The following CTNNA3 variants were observed in gnomAD, a reference collection of about 807,000 sequenced individuals.
The protein encoded by CTNNA3 is catenin alpha 3, also known as catenin alpha-3.
CTNNA3 carries 76 observed loss-of-function variants against 95.7 expected under a neutral mutation model. That is an observed-to-expected ratio of 0.79 (90% CI 0.66 to 0.96). The LOEUF is 0.96. Among genes scored for constraint, CTNNA3 ranks in the 40% least tolerant of loss-of-function variants. CTNNA3 has a pLI of 0.00. For missense variants in CTNNA3, 1,191 were observed against 1,089.8 expected (o/e 1.09, Z -1.31); for synonymous variants, 431 against 374.4 (o/e 1.15, Z -1.74).
At chr10:66,995,135 A>G (rs1021667182) in intron 7 of CTNNA3, among the ~76,000 whole-genome samples, 6 of 152,186 alleles carry the variant, frequency 3.9e-5, no homozygotes, top group African/African-American at 1.4e-4. Context: ...TGAATGTCAC[A>G]GAAATAATGC....
intron 16 of CTNNA3, among the ~76,000 whole-genome samples, chr10:65,968,690 T>C (rs1448514941): frequency 1.3e-5 from 2 of 152,140 alleles, no homozygotes; most frequent in Non-Finnish European, 2.9e-5. Context: ...GGGATCCAGG[T>C]ATGTAGAGGA....
At chr10:66,367,874 AATAATAATTATTATTATT>A (rs202164153) in intron 12 of CTNNA3, among the ~76,000 whole-genome samples, 2,341 of 42,612 alleles carry the variant, frequency 0.055, 31 homozygotes, top group Non-Finnish European at 0.079. Flanking sequence ...TAATAATAAT[AATAATAATTATTATTATT>A]ATTATTATTA....
At chr10:67,167,979 A>G (rs1861853326) in intron 7 of CTNNA3, among the ~76,000 whole-genome samples, 1 of 152,158 alleles carries the variant, frequency 6.6e-6, no homozygotes, top group South Asian at 2.1e-4. Context: ...CTTAAAAAAT[A>G]CAAAAAAATT....
intron 5 of CTNNA3, among the ~76,000 whole-genome samples, chr10:67,486,535 T>C (rs993589462): frequency 2.6e-5 from 4 of 152,186 alleles, no homozygotes; most frequent in Non-Finnish European, 5.9e-5. Context: ...CATACTTTGG[T>C]AGGTCCCCAA....
intron 3 of CTNNA3, among the ~76,000 whole-genome samples, chr10:67,577,138 C>G (rs1371522069): frequency 6.6e-6 from 1 of 151,152 alleles, no homozygotes; most frequent in Non-Finnish European, 1.5e-5. Flanking sequence ...CACTGACTTC[C>G]ACAATGGTTG....
At chr10:66,874,277 C>T (rs776056041) in intron 7 of CTNNA3, among the ~76,000 whole-genome samples, 1 of 152,052 alleles carries the variant, frequency 6.6e-6, no homozygotes, top group Non-Finnish European at 1.5e-5. Context: ...GGCCAACTAC[C>T]GCCTCCATAA....
intron 7 of CTNNA3, among the ~76,000 whole-genome samples, chr10:66,841,000 A>G (rs930342788): frequency 2.6e-5 from 4 of 152,190 alleles, no homozygotes; most frequent in African/African-American, 7.2e-5. Context: ...TACCTGTTCT[A>G]TGATATATAT....
chr10:66,921,908 A>T (rs1846809169), intron 7 of CTNNA3, among the ~76,000 whole-genome samples: 1 of 152,198 alleles, frequency 6.6e-6, no homozygotes. Context: ...TGGTTATTCA[A>T]ATTAAATATT....
rs143939077 is a variant in CTNNA3, at chr10:66,507,213, C to A, written c.1531+13404G>T. ...ATTTTGTTCATTTTTCTCTTTTTTT[C>A]TTTCAATTTTACTTGACACATAATA... On this transcript the variant is annotated intron_variant, in intron 11 of 17. Transcript: ENST00000433211. Among the ~76,000 whole-genome samples, 1,303 of 151,848 alleles carry A rather than the reference C, an allele frequency of 8.6e-3. 24 individuals are homozygous for A. Among genetic ancestry groups the A allele is most frequent in the African/African-American group, 0.03 (1,233 of 41,464 alleles).
intron 7 of CTNNA3, among the ~76,000 whole-genome samples, chr10:66,923,303 C>T (rs1228614620): frequency 6.6e-6 from 1 of 152,174 alleles, no homozygotes; most frequent in African/African-American, 2.4e-5. Flanking sequence ...CAGTGGGTTC[C>T]TCTGTTCTTC....
chr10:67,446,502 T>C (rs533944994), intron 5 of CTNNA3, among the ~76,000 whole-genome samples: 3 of 152,208 alleles, frequency 2.0e-5, no homozygotes, highest in Admixed American at 1.3e-4. Flanking sequence ...TTATCATCTA[T>C]GTAAGGACAA....
chr10:66,104,018 A>T (rs2133748772), intron 13 of CTNNA3, among the ~76,000 whole-genome samples: 1 of 152,372 alleles, frequency 6.6e-6, no homozygotes, highest in Admixed American at 6.5e-5. Flanking sequence ...TGATAAATGC[A>T]TTAGATAATC....
chr10:67,733,184 A>T (rs1841285566), intron 1 of CTNNA3, among the ~76,000 whole-genome samples: 1 of 152,184 alleles, frequency 6.6e-6, no homozygotes, highest in Non-Finnish European at 1.5e-5. Flanking sequence ...TAAACATTTA[A>T]ATTTTTAATT....
chr10:66,176,178 G>T (rs764813328), intron 13 of CTNNA3, among the ~76,000 whole-genome samples: 43 of 152,238 alleles, frequency 2.8e-4, no homozygotes, highest in Non-Finnish European at 5.6e-4. Flanking sequence ...ACACATACGT[G>T]TGCGCACATG....
chr10:66,153,590 T>G (rs540705763), intron 13 of CTNNA3, among the ~76,000 whole-genome samples: 3 of 151,956 alleles, frequency 2.0e-5, no homozygotes, highest in African/African-American at 7.2e-5. Flanking sequence ...GTATACCAAT[T>G]TGGGGGCTCT....
chr10:66,966,268 T>C (rs745730913), intron 7 of CTNNA3, among the ~76,000 whole-genome samples: 1 of 152,166 alleles, frequency 6.6e-6, no homozygotes, highest in Non-Finnish European at 1.5e-5. Context: ...TTTTAAATTA[T>C]GTGTAGACAA....
chr10:66,868,448 T>A (rs1208243778), intron 7 of CTNNA3, among the ~76,000 whole-genome samples: 1 of 151,468 alleles, frequency 6.6e-6, no homozygotes, highest in Non-Finnish European at 1.5e-5. Context: ...GGGCTCTGTG[T>A]GTTGACATAA....
At chr10:66,733,869 C>T (rs1364681518) in intron 9 of CTNNA3, among the ~76,000 whole-genome samples, 1 of 151,670 alleles carries the variant, frequency 6.6e-6, no homozygotes, top group Non-Finnish European at 1.5e-5. Context: ...CATGATAAAA[C>T]TATTAGGTAA....
intron 5 of CTNNA3, among the ~76,000 whole-genome samples, chr10:67,301,885 C>G (rs571327194): frequency 2.0e-5 from 3 of 151,826 alleles, no homozygotes; most frequent in Non-Finnish European, 4.4e-5. Context: ...AGGAGAATGG[C>G]GTGAACCCGG....
Sources: allele counts gnomAD v4.1 joint callset (sites outside exome capture counted in the v4.1 genomes callset), GRCh38; gene constraint gnomAD v4.1.1; transcripts MANE v1.5; gene names NCBI Gene and HGNC (gene_info 2026-07-23, HGNC 2026-07-21).